Variants in UGGT2 observed in about 807,000 individuals in gnomAD.
The protein encoded by UGGT2 is UDP-glucose glycoprotein glucosyltransferase 2, also known as UDP-glucose:glycoprotein glucosyltransferase 2.
Under a neutral mutation model 192.1 loss-of-function variants are expected in UGGT2, and 180 were observed. The observed-to-expected ratio is 0.94, with a 90% CI of 0.83 to 1.06. The LOEUF is 1.06. Ranked by LOEUF, UGGT2 falls within the 50% of genes least tolerant of loss-of-function variation. The pLI, the probability that UGGT2 is intolerant of heterozygous loss-of-function variation, is 0.00. For missense variants in UGGT2, 1,849 were observed against 1,795.7 expected (o/e 1.03, Z -0.54); for synonymous variants, 580 against 591.0 (o/e 0.98, Z 0.27).
rs372142296 is a variant in UGGT2, at chr13:95,834,434, A to G, written c.4402-1381T>C. Among the ~76,000 whole-genome samples, 103 of 152,264 alleles carry G rather than the reference A, an allele frequency of 6.8e-4. 1 individual carries two copies. In the South Asian group the frequency reaches 0.018, roughly 27 times the overall value. ...CAATGCACAGGAAAACCCCTGTAAC[A>G]AAGAATTCTCCACTCCTCAATGCCA... On this transcript the variant is annotated intron_variant, in intron 37 of 38. Coordinates refer to ENST00000376747, the MANE Select transcript of UGGT2 (RefSeq NM_020121.4).
chr13:95,900,196 T>C (rs1440852829), intron 22 of UGGT2, among the ~76,000 whole-genome samples: 1 of 152,080 alleles, frequency 6.6e-6, no homozygotes, highest in Non-Finnish European at 1.5e-5. Context: ...AAATTATATA[T>C]AGTAGGATTA....
At chr13:95,973,624 C>T (rs1055380314) in intron 10 of UGGT2, among the ~76,000 whole-genome samples, 6 of 152,214 alleles carry the variant, frequency 3.9e-5, no homozygotes, top group East Asian at 1.9e-4. Context: ...CATCTCCAGG[C>T]GCTAGAACAG....
intron 21 of UGGT2, 36 bp downstream of exon 21, chr13:95,902,818 A>C: frequency 6.4e-7 from 1 of 1,557,170 alleles, no homozygotes; most frequent in Non-Finnish European, 8.8e-7. Context: ...AAAATATGCA[A>C]TACATACATA....
At position 95,859,853 on chromosome 13, in the gene UGGT2, A is replaced by T. The variant is rs151004411; in HGVS notation, c.3741-178T>A. On this transcript the variant is annotated intron_variant, in intron 32 of 38. Transcript: ENST00000376747. The stretch of plus-strand genomic sequence containing the variant: ...ACATAGGTCTTTTAAAGGCTTTTAA[A>T]TAATTGAAGGTATGAATTAGAAGGT... 2.0e-4 allele frequency: 91 copies of T among 450,582 alleles called. 1 individual carries two copies. Among genetic ancestry groups the T allele is most frequent in the African/African-American group, 1.5e-3 (76 of 49,248 alleles). 27.9% of individuals were successfully genotyped at this position (450,582 alleles called of 1,614,324 possible). A position where few individuals can be genotyped will look rare whatever the true frequency, so the allele number is the denominator to read the frequency against.
At chr13:95,972,140 T>G (rs1373551805) in intron 11 of UGGT2, among the ~76,000 whole-genome samples, 2 of 148,890 alleles carry the variant, frequency 1.3e-5, no homozygotes, top group Non-Finnish European at 1.5e-5. Context: ...TGAAGAATTT[T>G]TTTTTTTTTT....
intron 20 of UGGT2, among the ~76,000 whole-genome samples, chr13:95,904,619 A>G (rs2048222453): frequency 6.6e-6 from 1 of 152,084 alleles, no homozygotes; most frequent in African/African-American, 2.4e-5. Context: ...TACAAAGGAC[A>G]TGAACTCATC....
At chr13:96,030,626 C>T (rs1219421064) in intron 2 of UGGT2, among the ~76,000 whole-genome samples, 4 of 152,184 alleles carry the variant, frequency 2.6e-5, no homozygotes, top group African/African-American at 9.7e-5. Context: ...GTTTATCTTA[C>T]ATTTACACTC....
At position 95,913,096 on chromosome 13, in the gene UGGT2, A is replaced by G. The variant is rs187667987; in HGVS notation, c.2296-10036T>C. Among the ~76,000 whole-genome samples the G allele has an allele frequency of 3.1e-4, 47 of 152,362 alleles. 1 individual carries two copies. Among genetic ancestry groups the G allele is most frequent in the African/African-American group, 1.0e-3 (42 of 41,588 alleles). ...TTATACAAAAATTAATTCAAGATGG[A>G]TTAGAGACCTAAATGTTAGACCTAA... On this transcript the variant is annotated intron_variant, in intron 20 of 38. Coordinates refer to ENST00000376747, the MANE Select transcript of UGGT2 (RefSeq NM_020121.4).
chr13:95,835,924 A>G (rs9584326), intron 37 of UGGT2, among the ~76,000 whole-genome samples: 44,138 of 152,182 alleles, frequency 0.29, 6,768 homozygotes, highest in East Asian at 0.6. Flanking sequence ...ATATATTTTA[A>G]GTAGACAAAA....
intron 32 of UGGT2, 68 bp from the exon 33 acceptor site, chr13:95,859,743 TTGAAG>T (rs1889981936): frequency 2.6e-6 from 3 of 1,165,280 alleles, no homozygotes; most frequent in Admixed American, 5.6e-5. Context: ...TTTTTTAACC[TTGAAG>T]TGTTTTTTAA....
chr13:95,904,309 T>G (rs1368614370), intron 20 of UGGT2, among the ~76,000 whole-genome samples: 1 of 152,138 alleles, frequency 6.6e-6, no homozygotes, highest in Non-Finnish European at 1.5e-5. Context: ...TTTTTATTAT[T>G]AAACTTTAAG....
intron 4 of UGGT2, among the ~76,000 whole-genome samples, chr13:96,015,592 T>C (rs1458985519): frequency 1.3e-5 from 2 of 152,148 alleles, no homozygotes; most frequent in Non-Finnish European, 1.5e-5. Context: ...TAAATAATTA[T>C]ATTTAAAAGT....
chr13:95,854,200 T>G, intron 35 of UGGT2, 115 bp downstream of exon 35: 1 of 1,098,012 alleles, frequency 9.1e-7, no homozygotes, highest in Non-Finnish European at 1.3e-6. Flanking sequence ...CACTATGTAA[T>G]TGGTTGCTTT....
At chr13:95,885,209 T>C (rs1475251632) in intron 26 of UGGT2, among the ~76,000 whole-genome samples, 2 of 152,220 alleles carry the variant, frequency 1.3e-5, no homozygotes, top group Non-Finnish European at 1.5e-5. Flanking sequence ...TTTTGCTGTA[T>C]TTTAACCTCA....
chr13:95,878,099 T>C (rs2047393158), intron 27 of UGGT2, among the ~76,000 whole-genome samples: 1 of 151,836 alleles, frequency 6.6e-6, no homozygotes, highest in African/African-American at 2.4e-5. Context: ...TATGCACCAA[T>C]ATAACCAAGC....
chr13:95,818,011 C>T (rs1885081455), intron 38 of UGGT2, among the ~76,000 whole-genome samples: 2 of 152,116 alleles, frequency 1.3e-5, no homozygotes, highest in Non-Finnish European at 2.9e-5. Flanking sequence ...GAGAAAAATG[C>T]ATAGCACCAA....
At chr13:96,025,037 G>A (rs2052623042) in intron 2 of UGGT2, among the ~76,000 whole-genome samples, 1 of 152,190 alleles carries the variant, frequency 6.6e-6, no homozygotes, top group Non-Finnish European at 1.5e-5. Context: ...TGTGGGAACT[G>A]AGGCTCAGGC....
intron 26 of UGGT2, among the ~76,000 whole-genome samples, chr13:95,885,306 C>G (rs185380861): frequency 1.4e-3 from 216 of 152,278 alleles, no homozygotes; most frequent in African/African-American, 4.8e-3. Flanking sequence ...AAGGTGTCAG[C>G]TGTGCTGTAG....
chr13:95,867,816 T>G (rs2140115992), intron 29 of UGGT2, among the ~76,000 whole-genome samples: 1 of 150,762 alleles, frequency 6.6e-6, no homozygotes, highest in Non-Finnish European at 1.5e-5. Flanking sequence ...TTCAAAGGAG[T>G]TCTACACTAT....
Sources: allele counts gnomAD v4.1 joint callset (sites outside exome capture counted in the v4.1 genomes callset), GRCh38; gene constraint gnomAD v4.1.1; transcripts MANE v1.5; gene names NCBI Gene and HGNC (gene_info 2026-07-23, HGNC 2026-07-21).